Variants in PIWIL2 observed in about 807,000 individuals in gnomAD.
PIWIL2 encodes piwi like RNA-mediated gene silencing 2, also known as piwi-like protein 2.
In PIWIL2, 81 loss-of-function variants were observed where a neutral mutation model predicts 116.5. That is an observed-to-expected ratio of 0.70 (90% CI 0.58 to 0.84). PIWIL2 has a LOEUF of 0.84. PIWIL2 is among the 40% of genes least tolerant of loss of function. The probability of loss-of-function intolerance (pLI) is 0.00; values close to 1 mark genes in which losing one functional copy is unlikely to be tolerated. For synonymous variants in PIWIL2, 489 were observed against 429.5 expected, an observed-to-expected ratio of 1.14 and a Z score of -1.71; for missense variants, 1,272 against 1,212.3, an observed-to-expected ratio of 1.05 and a Z score of -0.73.
At chr8:22,278,412 CAGG>C (rs1830426296) in intron 1 of PIWIL2, among the ~76,000 whole-genome samples, 1 of 152,144 alleles carries the variant, frequency 6.6e-6, no homozygotes, top group South Asian at 2.1e-4. Flanking sequence ...CCCAGCTACT[CAGG>C]AGACTGAGAT....
Position 22,284,191 on chromosome 8 carries a change from G to T in PIWIL2, c.662G>T (p.Gly221Val). ...CTTATTGTGAAGCAAGGATCAAAAG[G>T]AACACCTCAGTCTTTGGGACTGAAC... Reference protein sequence around the residue: ...KELIVKQGSKGTPQSLGLNLV... With the variant: ...KELIVKQGSKVTPQSLGLNLV... Residue 221 changes from glycine (G) to valine (V), a missense_variant, in exon 6 of 23, where the codon GGA (glycine) becomes GTA (valine). Transcript: ENST00000356766. 1 of 1,599,064 alleles carries T rather than the reference G, an allele frequency of 6.3e-7. No homozygotes were observed. Among genetic ancestry groups the T allele is most frequent in the South Asian group, 1.1e-5 (1 of 88,196 alleles).
intron 20 of PIWIL2, among the ~76,000 whole-genome samples, chr8:22,349,417 G>GTATGTA (rs1431825878): frequency 7.4e-4 from 100 of 134,422 alleles, no homozygotes; most frequent in African/African-American, 2.7e-3. Flanking sequence ...ATATGTGTGT[G>GTATGTA]TGTATATATA....
At position 22,310,051 on chromosome 8, in the gene PIWIL2, AC is replaced by A; in HGVS notation, c.1779del (p.Arg594GlufsTer6). 6.3e-7 allele frequency: 1 copy of A among 1,594,384 alleles called. No individual in the cohort carries two copies. Among genetic ancestry groups the A allele is most frequent in the Non-Finnish European group, 8.6e-7 (1 of 1,162,072 alleles). ...SQELNWVKEV[T>X]RDPSILTIPM... ...GGAACTAAACTGGGTTAAGGAAGTA[AC>A]CAGAGACCCTTCCATCTTGACTGTA... On this transcript the variant is annotated frameshift_variant, in exon 15 of 23. Coordinates refer to ENST00000356766, the MANE Select transcript of PIWIL2 (RefSeq NM_018068.5). LOFTEE classifies it high-confidence loss of function.
At chr8:22,343,308 C>T (rs1350707451) in intron 20 of PIWIL2, among the ~76,000 whole-genome samples, 2 of 152,108 alleles carry the variant, frequency 1.3e-5, no homozygotes, top group African/African-American at 2.4e-5. Flanking sequence ...GTGGCGCATG[C>T]CTGTAATCGC....
chr8:22,340,045 A>ATTTT (rs10626386), intron 20 of PIWIL2, among the ~76,000 whole-genome samples: 5,098 of 93,658 alleles, frequency 0.054, 305 homozygotes, highest in East Asian at 0.15. Context: ...TATAAAAAGA[A>ATTTT]TTTTTTTTTT....
intron 20 of PIWIL2, among the ~76,000 whole-genome samples, chr8:22,335,054 T>G (rs1420461144): frequency 1.2e-5 from 1 of 83,790 alleles, no homozygotes; most frequent in Non-Finnish European, 2.6e-5. Flanking sequence ...GACTCTTGTC[T>G]CAAAAAAAAA....
At chr8:22,347,208 A>C (rs940969438) in intron 20 of PIWIL2, among the ~76,000 whole-genome samples, 4 of 150,654 alleles carry the variant, frequency 2.7e-5, no homozygotes, top group Non-Finnish European at 5.9e-5. Context: ...CAGCACATTA[A>C]CATAATTTTT....
At chr8:22,282,995 T>C (rs2131984229) in intron 4 of PIWIL2, 39 bp from the exon 5 acceptor site, 1 of 1,495,454 alleles carries the variant, frequency 6.7e-7, no homozygotes, top group Middle Eastern at 1.7e-4. Flanking sequence ...ACATAGCTAT[T>C]ATAAAAAACC....
chr8:22,343,606 G>A (rs1457572541), intron 20 of PIWIL2, among the ~76,000 whole-genome samples: 1 of 152,222 alleles, frequency 6.6e-6, no homozygotes, highest in Non-Finnish European at 1.5e-5. Flanking sequence ...TCAAAAATAG[G>A]TAGATAGATA....
At chr8:22,332,927 G>A (rs1831894206) in intron 20 of PIWIL2, among the ~76,000 whole-genome samples, 1 of 152,052 alleles carries the variant, frequency 6.6e-6, no homozygotes, top group Non-Finnish European at 1.5e-5. Flanking sequence ...CCATTATGAA[G>A]GTAAATTTAA....
intron 10 of PIWIL2, among the ~76,000 whole-genome samples, chr8:22,294,900 GAAAAA>G (rs57742067): frequency 1.1e-5 from 1 of 93,650 alleles, no homozygotes; most frequent in Non-Finnish European, 2.1e-5. Context: ...ATCTTTACTG[GAAAAA>G]AAAAAAAAAA....
intron 20 of PIWIL2, among the ~76,000 whole-genome samples, chr8:22,342,691 G>T (rs910810288): frequency 1.3e-5 from 2 of 152,148 alleles, no homozygotes; most frequent in Non-Finnish European, 2.9e-5. Flanking sequence ...AATCTAGGTG[G>T]CTTTGGGTTT....
rs1275364551 is a variant in PIWIL2 at position 22,304,100 on chromosome 8, C to T, written c.1261C>T (p.Arg421Ter). The T allele has an allele frequency of 2.2e-5, 35 of 1,607,688 alleles. No homozygotes were observed. The highest frequency in any genetic ancestry group is 2.6e-5 in the Non-Finnish European group (31 of 1,174,260). ...KLLVGNIVITRYNNRTYRIDD... is the reference protein window; with the variant it reads ...KLLVGNIVIT ...TCTGGTTGGCAATATTGTTATCACC[C>T]GATATAACAATCGTACCTATCGTAT... is the stretch of plus-strand genomic sequence containing the variant. The change falls in exon 11 of 23, where the codon CGA (arginine) becomes TGA (stop). Residue 421 changes from arginine (R) to a stop codon, truncating the protein, a stop_gained. Transcript: ENST00000356766. LOFTEE classifies it high-confidence loss of function.
At chr8:22,279,910 T>C (rs989653921) in intron 2 of PIWIL2, among the ~76,000 whole-genome samples, 3 of 152,040 alleles carry the variant, frequency 2.0e-5, no homozygotes. Context: ...TGAGCTGAGA[T>C]CTCGCCAGTG....
Position 22,279,364 on chromosome 8 carries a change from C to CA in PIWIL2, c.-22dup. 3.8e-6 allele frequency: 6 copies of CA among 1,583,382 alleles called. No individual in the cohort carries two copies. Among genetic ancestry groups the CA allele is most frequent in the Non-Finnish European group, 5.2e-6 (6 of 1,151,898 alleles). ...AGGTAATTAACCAGAACAGGATCGA[C>CA]ACGTGTTCTCTACAGCCCGTCCATG... On this transcript the variant is annotated 5_prime_UTR_variant, in exon 2 of 23. Transcript: ENST00000356766.
intron 16 of PIWIL2, among the ~76,000 whole-genome samples, chr8:22,312,946 A>T (rs1198330507): frequency 6.6e-6 from 1 of 152,104 alleles, no homozygotes; most frequent in Non-Finnish European, 1.5e-5. Context: ...CAGCCTGTGC[A>T]TTCTCTATAA....
intron 20 of PIWIL2, among the ~76,000 whole-genome samples, chr8:22,322,209 C>A (rs573438924): frequency 6.6e-6 from 1 of 151,954 alleles, no homozygotes; most frequent in Non-Finnish European, 1.5e-5. Context: ...TGCTCTTCTC[C>A]TTTTTCTGTA....
At chr8:22,316,983 T>C (rs1246487245) in intron 19 of PIWIL2, among the ~76,000 whole-genome samples, 1 of 152,116 alleles carries the variant, frequency 6.6e-6, no homozygotes, top group African/African-American at 2.4e-5. Flanking sequence ...TTTCACCATG[T>C]TGCCCAGGCT....
At chr8:22,320,006 A>G (rs553302699) in intron 20 of PIWIL2, among the ~76,000 whole-genome samples, 15 of 152,314 alleles carry the variant, frequency 9.8e-5, no homozygotes, top group Admixed American at 5.2e-4. Context: ...CTGGTTGCCC[A>G]GGCTGGAGTG....
Sources: allele counts gnomAD v4.1 joint callset (sites outside exome capture counted in the v4.1 genomes callset), GRCh38; gene constraint gnomAD v4.1.1; transcripts MANE v1.5; gene names NCBI Gene and HGNC (gene_info 2026-07-23, HGNC 2026-07-21).